The following AP3D1 variants were observed in gnomAD, a reference collection of about 807,000 sequenced individuals.
AP3D1 encodes the protein AP-3 complex subunit delta-1.
A neutral mutation model predicts 147.6 loss-of-function variants in AP3D1; 51 were observed. The observed-to-expected ratio is 0.35, with a 90% CI of 0.28 to 0.44. The LOEUF is 0.44. Ranked by LOEUF, AP3D1 falls within the 20% of genes least tolerant of loss-of-function variation. The pLI is 1.00. For missense variants in AP3D1, 1,421 were observed against 1,624.2 expected (o/e 0.87, Z 2.15); for synonymous variants, 760 against 663.0 (o/e 1.15, Z -2.25).
At chr19:2,141,325 G>A (rs1310412757) in intron 1 of AP3D1, among the ~76,000 whole-genome samples, 1 of 151,930 alleles carries the variant, frequency 6.6e-6, no homozygotes, top group African/African-American at 2.4e-5. Context: ...ATTTAATTCT[G>A]GGATGTAATT....
At chr19:2,158,277 CG>C (rs1234101872) in intron 1 of AP3D1, among the ~76,000 whole-genome samples, 2 of 151,762 alleles carry the variant, frequency 1.3e-5, no homozygotes, top group African/African-American at 4.8e-5. Flanking sequence ...AGGATGGTCT[CG>C]ATCTCCTGAC....
At chr19:2,106,923 T>C (rs779670330) in intron 31 of AP3D1, among the ~76,000 whole-genome samples, 97 of 152,048 alleles carry the variant, frequency 6.4e-4, no homozygotes, top group Non-Finnish European at 4.1e-4. Context: ...GAGTGTTTCA[T>C]GGGAGGCAGT....
intron 2 of AP3D1, 21 bp downstream of exon 2, chr19:2,138,598 T>C (rs1482393827): frequency 1.9e-6 from 3 of 1,600,074 alleles, no homozygotes; most frequent in Non-Finnish European, 2.6e-6. Flanking sequence ...TGCTGGGCGC[T>C]GGCCACTGGG....
At chr19:2,143,070 TC>T (rs909236971) in intron 1 of AP3D1, among the ~76,000 whole-genome samples, 47 of 150,972 alleles carry the variant, frequency 3.1e-4, no homozygotes, top group African/African-American at 9.9e-4. Context: ...AGCCTCTTTT[TC>T]TTTTTTTTCT....
intron 14 of AP3D1, 91 bp from the exon 15 acceptor site, chr19:2,118,923 C>CTTGTTGGT: frequency 8.2e-7 from 1 of 1,221,598 alleles, no homozygotes; most frequent in Non-Finnish European, 1.1e-6. Flanking sequence ...GGCTCGTCAC[C>CTTGTTGGT]AACAAGGTGA....
intron 1 of AP3D1, among the ~76,000 whole-genome samples, chr19:2,163,263 A>G (rs1185538932): frequency 3.3e-5 from 5 of 151,992 alleles, no homozygotes; most frequent in African/African-American, 1.2e-4. Context: ...TAATAGAGAC[A>G]GGGTTTCACC....
chr19:2,148,368 G>C (rs980384391), intron 1 of AP3D1, among the ~76,000 whole-genome samples: 1 of 152,136 alleles, frequency 6.6e-6, no homozygotes. Flanking sequence ...ATGGGAACCC[G>C]ATACGTTTAC....
intron 11 of AP3D1, 114 bp downstream of exon 11, chr19:2,123,242 AGG>A: frequency 9.4e-7 from 1 of 1,067,956 alleles, no homozygotes; most frequent in South Asian, 1.4e-5. Flanking sequence ...GCCATCCATC[AGG>A]GAGACAGCTG....
intron 8 of AP3D1, among the ~76,000 whole-genome samples, chr19:2,128,639 G>T (rs574040312): frequency 1.2e-4 from 1 of 8,030 alleles, no homozygotes; most frequent in African/African-American, 2.9e-4. Flanking sequence ...CCGCCGCTCC[G>T]ACACTGCACC....
intron 31 of AP3D1, among the ~76,000 whole-genome samples, chr19:2,103,942 G>A (rs11667034): frequency 0.12 from 18,854 of 151,872 alleles, 1,272 homozygotes; most frequent in Non-Finnish European, 0.16. Context: ...CCAACACCAA[G>A]GCACCAATGC....
At position 2,121,769 on chromosome 19, in the gene AP3D1, T is replaced by C; in HGVS notation, c.1066A>G (p.Ile356Val). The C allele has an allele frequency of 6.2e-7, 1 of 1,611,284 alleles. No homozygotes were observed. Among genetic ancestry groups the C allele is most frequent in the Non-Finnish European group, 8.5e-7 (1 of 1,178,948 alleles). ...LQCLDDKDES[I>V]RLRALDLLYG... Reference sequence around the variant, plus strand: ...AGCAGGTCCAGGGCCCGCAGCCGGATGGACTCGTCCTTGTCGTCCAGGCAC... The same window carrying C: ...AGCAGGTCCAGGGCCCGCAGCCGGACGGACTCGTCCTTGTCGTCCAGGCAC... The change falls in exon 12 of 32, where the codon ATC becomes GTC. Residue 356 changes from isoleucine (I) to valine (V), a missense_variant. By Grantham distance (29) the Ile-to-Val change is conservative. Coordinates refer to ENST00000643116, the MANE Select transcript of AP3D1 (RefSeq NM_001261826.3).
At chr19:2,136,064 C>T (rs570674687) in intron 4 of AP3D1, among the ~76,000 whole-genome samples, 18 of 151,626 alleles carry the variant, frequency 1.2e-4, no homozygotes, top group African/African-American at 3.9e-4. Flanking sequence ...TACACGGCCA[C>T]GACCCAAGAA....
chr19:2,108,814 C>T, intron 30 of AP3D1, 48 bp from the exon 31 acceptor site: 3 of 1,536,842 alleles, frequency 2.0e-6, no homozygotes, highest in Non-Finnish European at 2.6e-6. Context: ...TGCATGGCTG[C>T]AGCCCCACCC....
intron 1 of AP3D1, among the ~76,000 whole-genome samples, chr19:2,142,490 C>T (rs2019248147): frequency 2.0e-5 from 3 of 152,192 alleles, no homozygotes; most frequent in Admixed American, 1.3e-4. Context: ...CTCAGTCCTT[C>T]GCCTCCAATG....
intron 18 of AP3D1, 122 bp from the exon 19 acceptor site, chr19:2,115,735 G>A (rs1337265866): frequency 9.2e-7 from 1 of 1,083,498 alleles, no homozygotes; most frequent in Non-Finnish European, 1.3e-6. Flanking sequence ...GGTCCTGCCA[G>A]AGCCCTGGGC....
At chr19:2,159,662 A>G (rs1246833680) in intron 1 of AP3D1, among the ~76,000 whole-genome samples, 2 of 142,714 alleles carry the variant, frequency 1.4e-5, no homozygotes, top group African/African-American at 2.6e-5. Flanking sequence ...TGCTGGGATT[A>G]TAGGTGTGAG....
Position 2,129,065 on chromosome 19 carries a change from C to G in AP3D1, c.806+25G>C, listed in dbSNP as rs1568295364. 2 of 1,549,886 alleles carry G rather than the reference C, an allele frequency of 1.3e-6. 1 individual carries two copies. Among genetic ancestry groups the G allele is most frequent in the Middle Eastern group, 3.4e-4 (2 of 5,922 alleles). ...CTGCACCCCGTGGAGCCGGCCCGCC[C>G]CCACCGCGCATGGCCTGCACTCACC... is the stretch of plus-strand genomic sequence containing the variant. On this transcript the variant is annotated intron_variant, in intron 8 of 31. Transcript: ENST00000643116.
At chr19:2,138,766 G>A (rs767585217) in intron 1 of AP3D1, 52 bp from the exon 2 acceptor site, 1 of 1,364,208 alleles carries the variant, frequency 7.3e-7, no homozygotes, top group Non-Finnish European at 1.0e-6. Context: ...AAGAGGGCTG[G>A]AATAATGATT....
At chr19:2,112,246 G>A (rs1393185210) in intron 24 of AP3D1, 1 of 236,350 alleles carries the variant, frequency 4.2e-6, no homozygotes, top group East Asian at 1.1e-4. Flanking sequence ...ATCAACAGAT[G>A]AGTGGGTCAG....
Sources: gnomAD v4.1 joint callset for allele counts (sites outside exome capture counted in the v4.1 genomes callset) on GRCh38, gnomAD v4.1.1 for gene constraint, MANE v1.5 for transcripts, NCBI Gene and HGNC (gene_info 2026-07-23, HGNC 2026-07-21) for gene names.